The following KIAA1614 variants were observed in gnomAD, a reference collection of about 807,000 sequenced individuals.
The protein encoded by KIAA1614 is KIAA1614.
Under a neutral mutation model 88.7 loss-of-function variants are expected in KIAA1614, and 76 were observed. The observed-to-expected ratio is 0.86, with a 90% CI of 0.71 to 1.04. The LOEUF (loss-of-function observed/expected upper bound fraction) is 1.04. Ranked by LOEUF, KIAA1614 falls within the 50% of genes least tolerant of loss-of-function variation. The probability of loss-of-function intolerance (pLI) is 0.00; values close to 1 mark genes in which losing one functional copy is unlikely to be tolerated. For missense variants in KIAA1614, 1,553 were observed against 1,582.5 expected (o/e 0.98, Z 0.32); for synonymous variants, 714 against 675.5 (o/e 1.06, Z -0.88).
chr1:180,921,196 G>A (rs963534449), intron 3 of KIAA1614, among the ~76,000 whole-genome samples: 2 of 115,856 alleles, frequency 1.7e-5, no homozygotes, highest in Admixed American at 9.2e-5. Context: ...ATCGAAGGGG[G>A]TTTTTCTCTT....
intron 7 of KIAA1614, among the ~76,000 whole-genome samples, chr1:180,943,566 T>TTTTTTTTTTTTTTTG (rs1654519507): frequency 2.1e-5 from 3 of 144,392 alleles, no homozygotes; most frequent in South Asian, 2.3e-4. Context: ...TTTTTTTTTT[T>TTTTTTTTTTTTTTTG]GAGACAGGGT....
Position 180,949,546 on chromosome 1 carries a change from G to T in KIAA1614, c.*3958G>T, listed in dbSNP as rs932292750. The T allele has an allele frequency of 2.0e-5, 3 of 152,316 alleles. No individual in the cohort carries two copies. The highest frequency in any genetic ancestry group is 7.2e-5 in the African/African-American group (3 of 41,468). 9.4% of individuals were successfully genotyped at this position (152,316 alleles called of 1,614,324 possible). A position where few individuals can be genotyped will look rare whatever the true frequency, so the allele number is the denominator to read the frequency against. The stretch of plus-strand genomic sequence containing the variant: ...ACAGGGCCTGCCCCACTGACGGGGG[G>T]CTCCCTGAGAGCCGGAGCCTGGCAA... On this transcript the variant is annotated 3_prime_UTR_variant, in exon 9 of 9. Transcript: ENST00000367588.
In KIAA1614 at chr1:180,935,054, T is replaced by G; in HGVS notation, c.1206-61T>G. On this transcript the variant is annotated intron_variant, in intron 4 of 8. Coordinates refer to ENST00000367588, the MANE Select transcript of KIAA1614 (RefSeq NM_020950.2). This position sits in a 1 kb window ranked among gnomAD's most constrained non-coding sequence, Gnocchi z 6.1. ...CCCAGGGTGGAGAGGGTAGGGCCGA[T>G]GCGTGTCCATACCTCCCCAGGTTTC... 1.7e-6 allele frequency: 2 copies of G among 1,196,926 alleles called. No homozygotes were observed. Among genetic ancestry groups the G allele is most frequent in the Non-Finnish European group, 2.2e-6 (2 of 916,852 alleles). 74.1% of individuals were successfully genotyped at this position (1,196,926 alleles called of 1,614,324 possible).
At position 180,935,244 on chromosome 1, in the gene KIAA1614, C is replaced by A; in HGVS notation, c.1335C>A (p.Pro445=). 1 of 1,529,538 alleles carries A rather than the reference C, an allele frequency of 6.5e-7. No individual in the cohort carries two copies. The allele number at this position is 1,529,538 out of a possible 1,614,324, so 94.7% of individuals were successfully genotyped here. A position where few individuals can be genotyped will look rare whatever the true frequency, so the allele number is the denominator to read the frequency against. Residue 445 remains proline (P), a synonymous_variant, in exon 5 of 9, where the codon CCC becomes CCA. Transcript: ENST00000367588. This position sits in a 1 kb window ranked among gnomAD's most constrained non-coding sequence, Gnocchi z 6.1. ...GTGGGCACAGGCCGAGGCGGGGCCC[C>A]TCGCCGTCGCACGTGCGCTTTGAGG... The part of the protein sequence containing the change: ...SSGGHRPRRG[P]SPSHVRFEDE...
chr1:180,940,507 G>GA (rs1240188526), intron 6 of KIAA1614, among the ~76,000 whole-genome samples: 2 of 151,546 alleles, frequency 1.3e-5, no homozygotes, highest in Non-Finnish European at 2.9e-5. Context: ...TCTCAAAAAA[G>GA]AAAAAAAATA....
At chr1:180,924,910 A>AATAATAATAATAATAATAATAAG (rs1475244918) in intron 3 of KIAA1614, among the ~76,000 whole-genome samples, 1 of 7,198 alleles carries the variant, frequency 1.4e-4, no homozygotes, top group South Asian at 7.0e-3. Context: ...ATAATAATAA[A>AATAATAATAATAATAATAATAAG]TGCTAACATT....
chr1:180,919,743 A>G (rs921417523), intron 3 of KIAA1614, among the ~76,000 whole-genome samples: 8 of 152,166 alleles, frequency 5.3e-5, no homozygotes, highest in African/African-American at 1.9e-4. Context: ...GACCTCAACC[A>G]TGGGGGAAGG....
intron 8 of KIAA1614, 65 bp downstream of exon 8, chr1:180,944,581 A>T (rs779055429): frequency 5.5e-5 from 86 of 1,549,854 alleles, no homozygotes; most frequent in Non-Finnish European, 7.3e-5. Flanking sequence ...CAAAAGCTTA[A>T]CTCCTTCCTG....
At chr1:180,944,849 T>TAAAC (rs1654552793) in intron 8 of KIAA1614, 1 of 261,570 alleles carries the variant, frequency 3.8e-6, no homozygotes, top group African/African-American at 2.2e-5. Context: ...AAGATCTGAA[T>TAAAC]AAACACATAG....
In KIAA1614 at chr1:180,951,469, G is replaced by GGGTGGGAA. The variant is rs1335528096; in HGVS notation, c.*5887_*5888insAAGGTGGG. 18 of 152,508 alleles carry GGGTGGGAA rather than the reference G, an allele frequency of 1.2e-4. No homozygotes were observed. Among genetic ancestry groups the GGGTGGGAA allele is most frequent in the African/African-American group, 3.6e-4 (15 of 41,578 alleles). The allele number at this position is 152,508 out of a possible 1,614,324, so 9.4% of individuals were successfully genotyped here. ...CTGGCGGTGCTGTCGGTGGGCAGGT[G>GGGTGGGAA]GGTGGGTGGGCAGCAGGGAAGCTGC... On this transcript the variant is annotated 3_prime_UTR_variant, in exon 9 of 9. Transcript: ENST00000367588.
At position 180,917,066 on chromosome 1, in the gene KIAA1614, T is replaced by C. The variant is rs1251292865; in HGVS notation, c.963T>C (p.Pro321=). 2 of 1,613,550 alleles carry C rather than the reference T, an allele frequency of 1.2e-6. No homozygotes were observed. Among genetic ancestry groups the C allele is most frequent in the Non-Finnish European group, 8.5e-7 (1 of 1,180,002 alleles). The change falls in exon 2 of 9, where the codon CCT becomes CCC. Residue 321 remains proline, a synonymous_variant. Coordinates refer to ENST00000367588, the MANE Select transcript of KIAA1614 (RefSeq NM_020950.2). ...SGQSPRKVGT[P]AWTPSWDTAA... ...AGAGCCCCCGCAAGGTGGGAACCCC[T>C]GCCTGGACTCCATCCTGGGACACAG...
At chr1:180,915,924 C>G (rs898998894) in intron 1 of KIAA1614, among the ~76,000 whole-genome samples, 1 of 152,182 alleles carries the variant, frequency 6.6e-6, no homozygotes, top group African/African-American at 2.4e-5. Flanking sequence ...CATCCCAAAA[C>G]CATTCCACCG....
chr1:180,920,731 G>A (rs1419472358), intron 3 of KIAA1614, among the ~76,000 whole-genome samples: 2 of 152,044 alleles, frequency 1.3e-5, no homozygotes, highest in African/African-American at 4.8e-5. Flanking sequence ...GGCGGGCTGG[G>A]GCTGGCCTGG....
intron 3 of KIAA1614, among the ~76,000 whole-genome samples, chr1:180,923,209 TTGGCCACTGCG>T (rs1361763646): frequency 6.6e-6 from 1 of 152,176 alleles, no homozygotes; most frequent in Non-Finnish European, 1.5e-5. Flanking sequence ...GATTACATCA[TTGGCCACTGCG>T]AGTCAGCTCA....
rs1477363114 is a variant in KIAA1614, at chr1:180,915,770, C to T, written c.51-384C>T. Among the ~76,000 whole-genome samples, 6 of 152,294 alleles carry T rather than the reference C, an allele frequency of 3.9e-5. No individual in the cohort carries two copies. In the East Asian group the frequency reaches 7.7e-4, roughly 20 times the overall value. ...GCAGCGAGCAAGTGAGCATTACCAC[C>T]TGAGCTCTGCCTCCTGTCAGACCAG... On this transcript the variant is annotated intron_variant, in intron 1 of 8. Coordinates refer to ENST00000367588, the MANE Select transcript of KIAA1614 (RefSeq NM_020950.2).
intron 6 of KIAA1614, among the ~76,000 whole-genome samples, chr1:180,939,531 C>A (rs1013531700): frequency 2.6e-5 from 4 of 152,194 alleles, no homozygotes; most frequent in Non-Finnish European, 5.9e-5. Flanking sequence ...CAAGTCCTTG[C>A]CAGCTCCGGA....
Position 180,945,893 on chromosome 1 carries a change from T to A in KIAA1614, c.*305T>A. ...GCCGAGGCGCCTGGATCACCTGAGG[T>A]CAGGAGTTCGAGACCAGTCTGGCCC... On this transcript the variant is annotated 3_prime_UTR_variant, in exon 9 of 9. Coordinates refer to ENST00000367588, the MANE Select transcript of KIAA1614 (RefSeq NM_020950.2). 1 of 892,096 alleles carries A rather than the reference T, an allele frequency of 1.1e-6. No individual in the cohort carries two copies. The highest frequency in any genetic ancestry group is 1.4e-6 in the Non-Finnish European group (1 of 710,756). 55.3% of individuals were successfully genotyped at this position (892,096 alleles called of 1,614,324 possible).
chr1:180,917,819 G>A (rs371291178), intron 2 of KIAA1614, 32 bp from the exon 3 acceptor site: 77 of 1,602,108 alleles, frequency 4.8e-5, no homozygotes, highest in Non-Finnish European at 6.2e-5. Flanking sequence ...TTCTGGCTCT[G>A]TCCTGATCTC....
In KIAA1614 at chr1:180,913,048, C is replaced by T. The variant is rs554652616; in HGVS notation, c.-196C>T. On this transcript the variant is annotated 5_prime_UTR_variant, in exon 1 of 9. Transcript: ENST00000367588. The stretch of plus-strand genomic sequence containing the variant: ...GCGCCGGCCAGACCCACCCGGGGCC[C>T]GGGGGCTGCCAGCAGAGCCGGGAGC... 9.4e-4 allele frequency: 306 copies of T among 325,246 alleles called. 4 individuals carry two copies. In the East Asian group the frequency reaches 0.015, roughly 16 times the overall value. 20.1% of individuals were successfully genotyped at this position (325,246 alleles called of 1,614,324 possible).
Sources: allele counts gnomAD v4.1 joint callset (sites outside exome capture counted in the v4.1 genomes callset), GRCh38; gene constraint gnomAD v4.1.1; non-coding constraint Gnocchi (gnomAD v3.1); transcripts MANE v1.5; gene names NCBI Gene and HGNC (gene_info 2026-07-23, HGNC 2026-07-21).